Variants in EYA4 observed in about 807,000 individuals in gnomAD.
The protein encoded by EYA4 is EYA transcriptional coactivator and phosphatase 4, also known as protein phosphatase EYA4.
In EYA4, 31 loss-of-function variants were observed where a neutral mutation model predicts 87.9. The observed-to-expected ratio is 0.35, with a 90% CI of 0.27 to 0.48. The LOEUF (loss-of-function observed/expected upper bound fraction) is 0.48, where lower values mean the gene tolerates loss of function less well. EYA4 is among the 20% of genes least tolerant of loss of function. EYA4 has a pLI of 0.99. For synonymous variants in EYA4, 263 were observed against 270.6 expected, an observed-to-expected ratio of 0.97 and a Z score of 0.28; for missense variants, 678 against 761.4, an observed-to-expected ratio of 0.89 and a Z score of 1.29.
At chr6:133,387,256 C>T (rs985813277) in intron 3 of EYA4, among the ~76,000 whole-genome samples, 8 of 152,054 alleles carry the variant, frequency 5.3e-5, no homozygotes, top group Admixed American at 1.3e-4. Flanking sequence ...GCAGTACTTC[C>T]GGAAGACTGA....
intron 19 of EYA4, 121 bp from the exon 20 acceptor site, chr6:133,528,604 C>T (rs1800818286): frequency 1.2e-6 from 1 of 814,984 alleles, no homozygotes; most frequent in Admixed American, 1.7e-5. Context: ...CTCCCCTGAA[C>T]TTGGGTGGAC....
At chr6:133,413,649 T>G (rs1789446603) in intron 3 of EYA4, among the ~76,000 whole-genome samples, 1 of 152,222 alleles carries the variant, frequency 6.6e-6, no homozygotes, top group Admixed American at 6.5e-5. Context: ...CTATCACTTG[T>G]ATCTTTTTAC....
At chr6:133,470,988 T>C (rs1795285804) in intron 11 of EYA4, among the ~76,000 whole-genome samples, 1 of 86,356 alleles carries the variant, frequency 1.2e-5, no homozygotes, top group Non-Finnish European at 2.4e-5. Context: ...AAGGAGATTT[T>C]GGGCTGAGAC....
chr6:133,268,122 A>AC (rs1776377274), intron 1 of EYA4, among the ~76,000 whole-genome samples: 1 of 152,124 alleles, frequency 6.6e-6, no homozygotes, highest in Non-Finnish European at 1.5e-5. Flanking sequence ...ATATTAGTTT[A>AC]TTATTTACAT....
chr6:133,243,743 CA>C (rs1296654902), intron 1 of EYA4, among the ~76,000 whole-genome samples: 2 of 151,326 alleles, frequency 1.3e-5, no homozygotes, highest in East Asian at 3.9e-4. Flanking sequence ...AGAATCCCCC[CA>C]AAAAATATTT....
At chr6:133,485,503 C>T (rs1278310535) in intron 13 of EYA4, among the ~76,000 whole-genome samples, 1 of 152,190 alleles carries the variant, frequency 6.6e-6, no homozygotes, top group African/African-American at 2.4e-5. Context: ...CAGTCAGTGG[C>T]AGAGACGAGT....
chr6:133,392,485 A>G (rs914620892), intron 3 of EYA4, among the ~76,000 whole-genome samples: 1 of 152,156 alleles, frequency 6.6e-6, no homozygotes, highest in African/African-American at 2.4e-5. Flanking sequence ...TGTACTGGTG[A>G]TGACAGATCA....
intron 2 of EYA4, among the ~76,000 whole-genome samples, chr6:133,304,494 A>T (rs905565799): frequency 6.6e-6 from 1 of 152,194 alleles, no homozygotes; most frequent in South Asian, 2.1e-4. Flanking sequence ...TGGCTTTAAC[A>T]GAGGTGGGTG....
intron 14 of EYA4, among the ~76,000 whole-genome samples, chr6:133,509,413 A>C (rs1231717542): frequency 6.6e-6 from 1 of 152,148 alleles, no homozygotes; most frequent in Non-Finnish European, 1.5e-5. Context: ...AAAAAAAAAA[A>C]AAACCGAACC....
At chr6:133,387,719 A>G (rs948184474) in intron 3 of EYA4, among the ~76,000 whole-genome samples, 1 of 152,204 alleles carries the variant, frequency 6.6e-6, no homozygotes, top group Non-Finnish European at 1.5e-5. Flanking sequence ...TAAATATTCT[A>G]AGAGTGTGAT....
At chr6:133,501,144 C>T (rs1367804766) in intron 13 of EYA4, among the ~76,000 whole-genome samples, 3 of 152,100 alleles carry the variant, frequency 2.0e-5, no homozygotes, top group African/African-American at 7.2e-5. Context: ...GTTTCTCTCT[C>T]TGCCATTACC....
Position 133,512,871 on chromosome 6 carries a change from G to A in EYA4, c.1341-7G>A. ...TATTTCTTTTTAATGTATTTTGGGT[G>A]TTACAGTACCTACAGTTTTGCAACT... On this transcript the variant is annotated splice_region_variant and splice_polypyrimidine_tract_variant and intron_variant, in intron 15 of 19. Coordinates refer to ENST00000355286, the MANE Select transcript of EYA4 (RefSeq NM_004100.5). The A allele has an allele frequency of 3.1e-6, 5 of 1,614,008 alleles. No homozygotes were observed. The highest frequency in any genetic ancestry group is 3.4e-6 in the Non-Finnish European group (4 of 1,179,908).
rs895479375 is a variant in EYA4 at position 133,503,746 on chromosome 6, T to C, written c.1192-2360T>C. On this transcript the variant is annotated intron_variant, in intron 13 of 19. Transcript: ENST00000355286. ...GACAGAGACTAATTATAGGAATTTT[T>C]CAACCAAAAAAGACAAAATGTTTTT... is the stretch of plus-strand genomic sequence containing the variant. Among the ~76,000 whole-genome samples the C allele has an allele frequency of 9.2e-5, 14 of 152,144 alleles. No individual in the cohort carries two copies. The East Asian group carries it at 2.3e-3, about 25-fold the overall frequency.
chr6:133,316,572 C>T (rs919354010), intron 2 of EYA4, among the ~76,000 whole-genome samples: 2 of 152,158 alleles, frequency 1.3e-5, no homozygotes, highest in South Asian at 2.1e-4. Flanking sequence ...ACCAATTCCA[C>T]GACTGTCGTT....
chr6:133,512,820 C>A, intron 15 of EYA4, 41 bp downstream of exon 15: 1 of 1,611,618 alleles, frequency 6.2e-7, no homozygotes, highest in Non-Finnish European at 8.5e-7. Context: ...TACAGAAATT[C>A]GGCTGTGGAG....
intron 17 of EYA4, among the ~76,000 whole-genome samples, chr6:133,516,299 C>A (rs1266948805): frequency 1.3e-5 from 2 of 151,828 alleles, no homozygotes; most frequent in Non-Finnish European, 2.9e-5. Context: ...AGACTTAGTA[C>A]CTGAGTGATA....
At chr6:133,344,902 G>T (rs1783079104) in intron 2 of EYA4, among the ~76,000 whole-genome samples, 1 of 152,068 alleles carries the variant, frequency 6.6e-6, no homozygotes, top group African/African-American at 2.4e-5. Flanking sequence ...TCAGAACTGA[G>T]AAACTTATTA....
chr6:133,489,853 A>G (rs1796992317), intron 13 of EYA4, among the ~76,000 whole-genome samples: 1 of 152,186 alleles, frequency 6.6e-6, no homozygotes, highest in Non-Finnish European at 1.5e-5. Context: ...AGTACACAGG[A>G]AAACACAGAA....
chr6:133,464,521 T>G (rs1794678676), intron 9 of EYA4, among the ~76,000 whole-genome samples: 1 of 152,142 alleles, frequency 6.6e-6, no homozygotes. Context: ...TCTTAACCCT[T>G]GAATGTTGGC....
Sources: allele counts gnomAD v4.1 joint callset (sites outside exome capture counted in the v4.1 genomes callset), GRCh38; gene constraint gnomAD v4.1.1; transcripts MANE v1.5; gene names NCBI Gene and HGNC (gene_info 2026-07-23, HGNC 2026-07-21).